FAT3: variants seen among roughly 807,000 people sequenced by gnomAD.
The protein encoded by FAT3 is protocadherin Fat 3.
A neutral mutation model predicts 310.2 loss-of-function variants in FAT3; 95 were observed. The ratio of observed to expected loss-of-function variants is 0.31; its 90% confidence interval spans 0.26 to 0.36. The LOEUF (loss-of-function observed/expected upper bound fraction) is 0.36. Ranked by LOEUF, FAT3 falls within the 10% of genes least tolerant of loss-of-function variation. FAT3 has a pLI of 1.00. For synonymous variants in FAT3, 2,314 were observed against 2,192.9 expected (o/e 1.06, Z -1.54); for missense variants, 5,408 against 5,715.6 (o/e 0.95, Z 1.74).
intron 1 of FAT3, among the ~76,000 whole-genome samples, chr11:92,255,341 T>A (rs5029233): frequency 0.21 from 30,537 of 144,344 alleles, 3,322 homozygotes; most frequent in East Asian, 0.3. Flanking sequence ...GGTTTTTTTT[T>A]AAAAAAAAAA....
At chr11:92,713,508 A>T (rs1944588530) in intron 4 of FAT3, among the ~76,000 whole-genome samples, 1 of 152,160 alleles carries the variant, frequency 6.6e-6, no homozygotes, top group Admixed American at 6.6e-5. Flanking sequence ...TAGTTTCTGG[A>T]TATGCAAAGT....
intron 6 of FAT3, among the ~76,000 whole-genome samples, chr11:92,772,245 G>A (rs974176851): frequency 6.6e-6 from 1 of 152,076 alleles, no homozygotes; most frequent in Non-Finnish European, 1.5e-5. Context: ...AACCTGAGAA[G>A]TTACATTCTC....
intron 13 of FAT3, among the ~76,000 whole-genome samples, chr11:92,825,582 C>T (rs987634684): frequency 1.3e-5 from 2 of 151,936 alleles, no homozygotes; most frequent in African/African-American, 4.8e-5. Context: ...GGCCTTCAGG[C>T]AGCACTGGGG....
At chr11:92,374,329 G>A (rs76821693) in intron 2 of FAT3, among the ~76,000 whole-genome samples, 4 of 152,162 alleles carry the variant, frequency 2.6e-5, no homozygotes, top group Admixed American at 2.6e-4. Flanking sequence ...CACACATTAT[G>A]CATGTTTTCC....
chr11:92,264,641 A>G (rs1945881343), intron 1 of FAT3, among the ~76,000 whole-genome samples: 1 of 152,134 alleles, frequency 6.6e-6, no homozygotes, highest in Non-Finnish European at 1.5e-5. Context: ...ATGAATCCTG[A>G]ATATTGCTTT....
In FAT3 at chr11:92,884,527, A is replaced by G. The variant is rs1263284019; in HGVS notation, c.12937+1134A>G. 2.6e-5 allele frequency among the ~76,000 whole-genome samples: 4 copies of G among 152,202 alleles called. No individual in the cohort carries two copies. The South Asian group carries it at 6.2e-4, about 24-fold the overall frequency. ...TGTGTCCTAGGTAGCCTAGAAGGCT[A>G]TGGTTATAGCACTGTGGCATATGCT... On this transcript the variant is annotated intron_variant, in intron 24 of 27. Transcript: ENST00000525166.
intron 3 of FAT3, among the ~76,000 whole-genome samples, chr11:92,563,118 T>C (rs1252711870): frequency 2.6e-5 from 4 of 152,226 alleles, no homozygotes; most frequent in African/African-American, 4.8e-5. Flanking sequence ...TGTTATTTCT[T>C]TGTTACGTTG....
chr11:92,645,947 T>C (rs1942147336), intron 3 of FAT3, among the ~76,000 whole-genome samples: 1 of 152,234 alleles, frequency 6.6e-6, no homozygotes, highest in Admixed American at 6.5e-5. Context: ...GATTTAGATT[T>C]ACATCATGTA....
chr11:92,365,883 T>C (rs1949007333), intron 2 of FAT3, among the ~76,000 whole-genome samples: 1 of 152,224 alleles, frequency 6.6e-6, no homozygotes, highest in South Asian at 2.1e-4. Context: ...TCAACTGCCA[T>C]GAGAAACCCC....
intron 2 of FAT3, among the ~76,000 whole-genome samples, chr11:92,441,690 C>G (rs747118316): frequency 8.5e-5 from 13 of 152,142 alleles, no homozygotes; most frequent in African/African-American, 1.2e-4. Flanking sequence ...AGAGGAGTCT[C>G]TGTTTAAAAC....
At chr11:92,362,187 A>G (rs1948898800) in intron 2 of FAT3, among the ~76,000 whole-genome samples, 2 of 152,174 alleles carry the variant, frequency 1.3e-5, no homozygotes. Flanking sequence ...TTTATTCCAA[A>G]TGTTTTGATA....
chr11:92,750,471 G>A (rs1429788437), intron 4 of FAT3, among the ~76,000 whole-genome samples: 1 of 152,194 alleles, frequency 6.6e-6, no homozygotes, highest in Non-Finnish European at 1.5e-5. Flanking sequence ...TAGAATGAAT[G>A]TTCTGATGAG....
chr11:92,264,700 C>T (rs1945883418), intron 1 of FAT3, among the ~76,000 whole-genome samples: 1 of 152,128 alleles, frequency 6.6e-6, no homozygotes, highest in Admixed American at 6.6e-5. Context: ...GACAGAGACA[C>T]TAGCCATGCT....
intron 27 of FAT3, 50 bp from the exon 28 acceptor site, chr11:92,890,441 C>A (rs1234965505): frequency 1.3e-6 from 2 of 1,553,434 alleles, no homozygotes. Context: ...CCCAGCAAAG[C>A]ACCAACTCCA....
chr11:92,582,551 A>G (rs1043799173), intron 3 of FAT3, among the ~76,000 whole-genome samples: 4 of 152,068 alleles, frequency 2.6e-5, no homozygotes, highest in Non-Finnish European at 5.9e-5. Context: ...GGTATTTCTT[A>G]TATACAGAGT....
At chr11:92,347,192 A>T (rs1948443080) in intron 1 of FAT3, among the ~76,000 whole-genome samples, 1 of 152,100 alleles carries the variant, frequency 6.6e-6, no homozygotes, top group African/African-American at 2.4e-5. Flanking sequence ...TTCTGTAACC[A>T]TTGCATGCTC....
intron 1 of FAT3, among the ~76,000 whole-genome samples, chr11:92,339,942 C>T (rs1948201262): frequency 6.6e-6 from 1 of 151,874 alleles, no homozygotes; most frequent in Middle Eastern, 3.2e-3. Context: ...GAAACCCCGT[C>T]TCTACTAAAA....
At chr11:92,410,834 C>T (rs559704031) in intron 2 of FAT3, among the ~76,000 whole-genome samples, 1 of 151,770 alleles carries the variant, frequency 6.6e-6, no homozygotes, top group East Asian at 1.9e-4. Context: ...TCCTTTCCTG[C>T]CATTTTCTTG....
chr11:92,546,714 A>G (rs1456709345), intron 3 of FAT3, among the ~76,000 whole-genome samples: 6 of 152,282 alleles, frequency 3.9e-5, no homozygotes, highest in South Asian at 4.2e-4. Context: ...TTATTTTTCA[A>G]TGAGGCTCTT....
Sources: gnomAD v4.1 joint callset for allele counts (sites outside exome capture counted in the v4.1 genomes callset) on GRCh38, gnomAD v4.1.1 for gene constraint, MANE v1.5 for transcripts, NCBI Gene and HGNC (gene_info 2026-07-23, HGNC 2026-07-21) for gene names.